LRRC4C: variants seen among roughly 807,000 people sequenced by gnomAD.
LRRC4C encodes leucine rich repeat containing 4C, also known as leucine-rich repeat-containing protein 4C.
A neutral mutation model predicts 33.6 loss-of-function variants in LRRC4C; 5 were observed. The observed-to-expected ratio is 0.15, with a 90% CI of 0.08 to 0.31. The LOEUF (loss-of-function observed/expected upper bound fraction) is 0.31, where lower values mean the gene tolerates loss of function less well. Ranked by LOEUF, LRRC4C falls within the 10% of genes least tolerant of loss-of-function variation. LRRC4C has a pLI of 1.00. For missense variants in LRRC4C, 560 were observed against 796.7 expected, an observed-to-expected ratio of 0.70 and a Z score of 3.58; for synonymous variants, 329 against 302.0, an observed-to-expected ratio of 1.09 and a Z score of -0.93.
chr11:41,208,898 G>A (rs993550208), intron 1 of LRRC4C, among the ~76,000 whole-genome samples: 3 of 152,272 alleles, frequency 2.0e-5, no homozygotes, highest in South Asian at 2.1e-4. Flanking sequence ...GCACCCCACA[G>A]AACTGAGGGT....
intron 2 of LRRC4C, among the ~76,000 whole-genome samples, chr11:40,887,039 C>T (rs1955500710): frequency 6.7e-6 from 1 of 149,214 alleles, no homozygotes; most frequent in South Asian, 2.1e-4. Context: ...TATATATATA[C>T]ATATAGAAAG....
chr11:40,839,868 T>G (rs11036096), intron 2 of LRRC4C, among the ~76,000 whole-genome samples: 7 of 152,080 alleles, frequency 4.6e-5, no homozygotes, highest in African/African-American at 1.7e-4. Context: ...ATAATTTCAA[T>G]CCAGAATCAC....
intron 1 of LRRC4C, among the ~76,000 whole-genome samples, chr11:41,279,739 A>G (rs1949604929): frequency 6.6e-6 from 1 of 152,168 alleles, no homozygotes; most frequent in Non-Finnish European, 1.5e-5. Flanking sequence ...TTGATGTCCA[A>G]CTGGCACCTT....
At chr11:40,815,527 T>A (rs1301470876) in intron 2 of LRRC4C, among the ~76,000 whole-genome samples, 1 of 152,200 alleles carries the variant, frequency 6.6e-6, no homozygotes, top group East Asian at 1.9e-4. Context: ...TCTTGGATGA[T>A]TTTCTCAAGA....
At chr11:41,166,774 A>G (rs1221330686) in intron 1 of LRRC4C, among the ~76,000 whole-genome samples, 1 of 152,222 alleles carries the variant, frequency 6.6e-6, no homozygotes, top group Non-Finnish European at 1.5e-5. Flanking sequence ...GTTAAATTGA[A>G]TTGATTGAAT....
chr11:40,464,436 A>T (rs887709749), intron 3 of LRRC4C, among the ~76,000 whole-genome samples: 1 of 152,014 alleles, frequency 6.6e-6, no homozygotes, highest in Non-Finnish European at 1.5e-5. Flanking sequence ...GGCCACTTTC[A>T]CACACTCCTA....
chr11:40,859,495 T>C (rs1256918130), intron 2 of LRRC4C, among the ~76,000 whole-genome samples: 1 of 152,046 alleles, frequency 6.6e-6, no homozygotes, highest in Non-Finnish European at 1.5e-5. Flanking sequence ...AAATATATAC[T>C]CTTTGTAAGA....
At chr11:40,470,932 G>A (rs1259646985) in intron 3 of LRRC4C, among the ~76,000 whole-genome samples, 1 of 152,174 alleles carries the variant, frequency 6.6e-6, no homozygotes, top group Non-Finnish European at 1.5e-5. Flanking sequence ...AAGTGATGAG[G>A]AGAATGGAAC....
At chr11:40,611,995 C>G (rs1052624328) in intron 3 of LRRC4C, among the ~76,000 whole-genome samples, 1 of 148,968 alleles carries the variant, frequency 6.7e-6, no homozygotes, top group African/African-American at 2.5e-5. Flanking sequence ...CCTCAAAATA[C>G]TAAAAATAAA....
At chr11:41,155,270 T>C (rs1219973017) in intron 1 of LRRC4C, among the ~76,000 whole-genome samples, 1 of 152,102 alleles carries the variant, frequency 6.6e-6, no homozygotes, top group African/African-American at 2.4e-5. Context: ...AGAATTTCTA[T>C]TTTTTGTGAA....
At chr11:40,142,854 G>C (rs1304857457) in intron 5 of LRRC4C, among the ~76,000 whole-genome samples, 1 of 152,028 alleles carries the variant, frequency 6.6e-6, no homozygotes, top group African/African-American at 2.4e-5. Flanking sequence ...GCTTTTTCAA[G>C]ACCTCCACTT....
intron 2 of LRRC4C, among the ~76,000 whole-genome samples, chr11:40,833,350 T>TG (rs1449181248): frequency 6.6e-6 from 1 of 152,058 alleles, no homozygotes; most frequent in East Asian, 1.9e-4. Flanking sequence ...AAAATGTAAA[T>TG]TTTTTTCCAG....
chr11:40,670,555 C>T lies in LRRC4C; in HGVS notation c.-406-22277G>A, dbSNP rs185249558. ...TTTTTTCCCATTTCCTGAAGGATAACAGCAATACACCTTTTTGAAAACAAA... is the reference window on the plus strand; with the variant it reads ...TTTTTTCCCATTTCCTGAAGGATAATAGCAATACACCTTTTTGAAAACAAA... On this transcript the variant is annotated intron_variant, in intron 2 of 6. Transcript: ENST00000528697. Among the ~76,000 whole-genome samples, 4 of 152,142 alleles carry T rather than the reference C, an allele frequency of 2.6e-5. No homozygotes were observed. In the East Asian group the frequency reaches 7.7e-4, roughly 29 times the overall value.
chr11:40,471,297 C>T lies in LRRC4C; in HGVS notation c.-269-151576G>A, dbSNP rs979891464. Among the ~76,000 whole-genome samples, 51 of 152,146 alleles carry T rather than the reference C, an allele frequency of 3.4e-4. 1 individual carries two copies. The highest frequency in any genetic ancestry group is 8.4e-4 in the African/African-American group (35 of 41,514). On this transcript the variant is annotated intron_variant, in intron 3 of 6. Coordinates refer to ENST00000528697, the MANE Select transcript of LRRC4C (RefSeq NM_001258419.2). ...ATTCAGCCAAACTAAACTTCATAAG[C>T]GAAGGAGAAATAAAGTCCTTTACAG...
At chr11:40,708,206 A>G (rs948193377) in intron 2 of LRRC4C, among the ~76,000 whole-genome samples, 4 of 151,886 alleles carry the variant, frequency 2.6e-5, no homozygotes, top group African/African-American at 9.7e-5. Flanking sequence ...TTATGTCTCT[A>G]TCTCCTTCAG....
At chr11:41,126,889 C>CG (rs1298583143) in intron 1 of LRRC4C, among the ~76,000 whole-genome samples, 1 of 151,814 alleles carries the variant, frequency 6.6e-6, no homozygotes, top group East Asian at 1.9e-4. Context: ...AAAGTTAAGG[C>CG]GACACCAGCA....
chr11:40,976,515 A>G (rs1268070977), intron 1 of LRRC4C, among the ~76,000 whole-genome samples: 1 of 152,232 alleles, frequency 6.6e-6, no homozygotes, highest in African/African-American at 2.4e-5. Flanking sequence ...GTATACAGCA[A>G]AAATAATTAA....
intron 1 of LRRC4C, among the ~76,000 whole-genome samples, chr11:41,078,023 C>T (rs1939284208): frequency 6.6e-6 from 1 of 152,196 alleles, no homozygotes; most frequent in Non-Finnish European, 1.5e-5. Context: ...CAAAACGCCA[C>T]CAGTCTCTTT....
intron 1 of LRRC4C, among the ~76,000 whole-genome samples, chr11:41,215,941 A>C (rs995063386): frequency 6.6e-6 from 1 of 152,244 alleles, no homozygotes; most frequent in African/African-American, 2.4e-5. Context: ...ACTGCTTTCC[A>C]AAGTGGCTGC....
Sources: allele counts gnomAD v4.1 joint callset (sites outside exome capture counted in the v4.1 genomes callset), GRCh38; gene constraint gnomAD v4.1.1; transcripts MANE v1.5; gene names NCBI Gene and HGNC (gene_info 2026-07-23, HGNC 2026-07-21).